RAP1A: variants seen among roughly 807,000 people sequenced by gnomAD.
RAP1A encodes the protein ras-related protein Rap-1A.
A neutral mutation model predicts 26.4 loss-of-function variants in RAP1A; 6 were observed. The observed-to-expected ratio is 0.23, with a 90% CI of 0.12 to 0.45. The LOEUF is 0.45. Among genes scored for constraint, RAP1A ranks in the 20% least tolerant of loss-of-function variants. The probability of loss-of-function intolerance (pLI) is 0.99; values close to 1 mark genes in which losing one functional copy is unlikely to be tolerated. For synonymous variants in RAP1A, 73 were observed against 79.4 expected, an observed-to-expected ratio of 0.92 and a Z score of 0.43; for missense variants, 121 against 217.2, an observed-to-expected ratio of 0.56 and a Z score of 2.78.
At chr1:111,690,776 C>G (rs1217919849) in intron 1 of RAP1A, among the ~76,000 whole-genome samples, 1 of 152,146 alleles carries the variant, frequency 6.6e-6, no homozygotes, top group African/African-American at 2.4e-5. Flanking sequence ...GGCCTTATGG[C>G]GTATATTGCT....
intron 1 of RAP1A, among the ~76,000 whole-genome samples, chr1:111,591,691 G>C (rs943057455): frequency 3.3e-5 from 5 of 152,106 alleles, no homozygotes; most frequent in African/African-American, 1.2e-4. Flanking sequence ...ACTTGTCTGG[G>C]CTGAGATGGT....
intron 1 of RAP1A, among the ~76,000 whole-genome samples, chr1:111,613,495 G>C (rs190121136): frequency 6.6e-6 from 1 of 152,160 alleles, no homozygotes; most frequent in East Asian, 1.9e-4. Context: ...CACCACGCCC[G>C]GCCAGCTCTT....
chr1:111,603,985 A>C lies in RAP1A; in HGVS notation c.-28+61476A>C, dbSNP rs192283804. Among the ~76,000 whole-genome samples, 287 of 152,324 alleles carry C rather than the reference A, an allele frequency of 1.9e-3. 1 individual carries two copies. Among genetic ancestry groups the C allele is most frequent in the African/African-American group, 6.8e-3 (282 of 41,556 alleles). ...TTTGCCTCTCTGCTTAAACTTCAAG[A>C]GTATAAAAGGAAAAGTTTGCAAAGA... is the stretch of plus-strand genomic sequence containing the variant. On this transcript the variant is annotated intron_variant, in intron 1 of 7. Transcript: ENST00000356415.
intron 1 of RAP1A, among the ~76,000 whole-genome samples, chr1:111,565,354 A>T (rs557668262): frequency 6.6e-6 from 1 of 152,346 alleles, no homozygotes; most frequent in Admixed American, 6.5e-5. Flanking sequence ...TTAGGCCAGA[A>T]TTGTTGGGTG....
chr1:111,601,647 GT>G (rs1658674555), intron 1 of RAP1A, among the ~76,000 whole-genome samples: 1 of 152,312 alleles, frequency 6.6e-6, no homozygotes, highest in African/African-American at 2.4e-5. Flanking sequence ...CTGATGACAG[GT>G]AGCAGAAAGT....
At chr1:111,707,376 C>G (rs1662227440) in intron 6 of RAP1A, among the ~76,000 whole-genome samples, 1 of 152,106 alleles carries the variant, frequency 6.6e-6, no homozygotes. Context: ...AAAATGTACT[C>G]AAATGATGTA....
chr1:111,624,475 C>A (rs1013667390), intron 1 of RAP1A, among the ~76,000 whole-genome samples: 1 of 152,186 alleles, frequency 6.6e-6, no homozygotes, highest in African/African-American at 2.4e-5. Context: ...CTCTCAGTCT[C>A]CTGCACACAG....
At chr1:111,615,176 G>A (rs368632995), upstream of RAP1A, among the ~76,000 whole-genome samples, 1 of 152,076 alleles carries the variant, frequency 6.6e-6, no homozygotes, top group African/African-American at 2.4e-5. Flanking sequence ...GTGGGATGGA[G>A]ATACACAATT....
At chr1:111,647,511 A>G (rs1013696016) in intron 1 of RAP1A, among the ~76,000 whole-genome samples, 2 of 152,192 alleles carry the variant, frequency 1.3e-5, no homozygotes, top group African/African-American at 2.4e-5. Flanking sequence ...TCTGCCAAAA[A>G]GGTTGGGGAT....
chr1:111,575,135 ATTTC>A (rs200582125), intron 1 of RAP1A, among the ~76,000 whole-genome samples: 45 of 151,692 alleles, frequency 3.0e-4, no homozygotes, highest in South Asian at 4.2e-4. Flanking sequence ...AAGTTACTGA[ATTTC>A]TTTCTTTCTT....
Position 111,695,330 on chromosome 1 carries a change from T to C in RAP1A, c.58-11T>C. 6.5e-7 allele frequency: 1 copy of C among 1,548,046 alleles called. No homozygotes were observed. The highest frequency in any genetic ancestry group is 1.4e-5 in the African/African-American group (1 of 71,200). On this transcript the variant is annotated splice_polypyrimidine_tract_variant and intron_variant, in intron 2 of 7. Coordinates refer to ENST00000369709, the MANE Select transcript of RAP1A (RefSeq NM_002884.4). The stretch of plus-strand genomic sequence containing the variant: ...TTAATTTTTTAATATTTCTCTTTTT[T>C]TTTCCCCCAGACAGTTCAGTTTGTT...
intron 2 of RAP1A, among the ~76,000 whole-genome samples, chr1:111,691,807 A>C (rs917001764): frequency 6.6e-6 from 1 of 152,168 alleles, no homozygotes; most frequent in South Asian, 2.1e-4. Context: ...TTTTGTGTTC[A>C]TGCTGTTTTT....
chr1:111,585,690 CT>C (rs1345239586), intron 1 of RAP1A, among the ~76,000 whole-genome samples: 1 of 152,176 alleles, frequency 6.6e-6, no homozygotes, highest in African/African-American at 2.4e-5. Flanking sequence ...TCCTCATTTG[CT>C]AAAGGAGGGA....
intron 1 of RAP1A, among the ~76,000 whole-genome samples, chr1:111,664,399 C>CAAAAAAAA (rs1660740831): frequency 1.0e-5 from 1 of 98,284 alleles, no homozygotes; most frequent in Non-Finnish European, 2.2e-5. Context: ...AAAAAAAAAA[C>CAAAAAAAA]AAAAAACAAA....
chr1:111,564,295 A>ATT (rs1657860515), intron 1 of RAP1A, among the ~76,000 whole-genome samples: 1 of 152,142 alleles, frequency 6.6e-6, no homozygotes, highest in African/African-American at 2.4e-5. Context: ...GATAGTCTTA[A>ATT]CATTCCTGCT....
chr1:111,622,674 A>C (rs966215911), intron 1 of RAP1A, among the ~76,000 whole-genome samples: 1 of 152,246 alleles, frequency 6.6e-6, no homozygotes, highest in Admixed American at 6.5e-5. Flanking sequence ...TTAACATTTA[A>C]AAAATAATGT....
chr1:111,644,528 G>A (rs552751614), intron 1 of RAP1A, among the ~76,000 whole-genome samples: 91 of 152,284 alleles, frequency 6.0e-4, no homozygotes, highest in Non-Finnish European at 1.2e-3. Context: ...GGTACACCTT[G>A]ATTGACATTC....
intron 1 of RAP1A, among the ~76,000 whole-genome samples, chr1:111,578,511 A>G (rs1658188644): frequency 6.6e-6 from 1 of 152,164 alleles, no homozygotes; most frequent in Non-Finnish European, 1.5e-5. Flanking sequence ...AACCACAAAA[A>G]AAAATTACAT....
chr1:111,605,861 A>T (rs986027692), intron 1 of RAP1A, among the ~76,000 whole-genome samples: 2 of 152,178 alleles, frequency 1.3e-5, no homozygotes, highest in South Asian at 4.1e-4. Context: ...GGTAAGAGAA[A>T]ATCAAAATAA....
Sources: gnomAD v4.1 joint callset for allele counts (sites outside exome capture counted in the v4.1 genomes callset) on GRCh38, gnomAD v4.1.1 for gene constraint, MANE v1.5 for transcripts, NCBI Gene and HGNC (gene_info 2026-07-23, HGNC 2026-07-21) for gene names.